Variants in CNTNAP2 observed in about 807,000 individuals in gnomAD.
CNTNAP2 encodes the protein contactin associated protein 2, also known as contactin-associated protein-like 2.
In CNTNAP2, 98 loss-of-function variants were observed where a neutral mutation model predicts 155.2. The observed-to-expected ratio is 0.63, with a 90% CI of 0.54 to 0.75. CNTNAP2 has a LOEUF of 0.75. Ranked by LOEUF, CNTNAP2 falls within the 30% of genes least tolerant of loss-of-function variation. The pLI is 0.00. For missense variants in CNTNAP2, 1,727 were observed against 1,688.1 expected (o/e 1.02, Z -0.40); for synonymous variants, 651 against 631.2 (o/e 1.03, Z -0.47).
At chr7:147,895,100 A>G (rs1799756916) in intron 13 of CNTNAP2, among the ~76,000 whole-genome samples, 1 of 149,860 alleles carries the variant, frequency 6.7e-6, no homozygotes, top group African/African-American at 2.5e-5. Flanking sequence ...CAGCCTCCTG[A>G]GTAGCTGGGA....
At chr7:146,852,894 A>T (rs1220569226) in intron 3 of CNTNAP2, among the ~76,000 whole-genome samples, 1 of 152,204 alleles carries the variant, frequency 6.6e-6, no homozygotes, top group African/African-American at 2.4e-5. Context: ...GCACTTAGCA[A>T]GCACAATTGT....
At chr7:148,176,205 CTT>C (rs1194348356) in intron 18 of CNTNAP2, among the ~76,000 whole-genome samples, 58 of 126,986 alleles carry the variant, frequency 4.6e-4, no homozygotes, top group Middle Eastern at 4.5e-3. Flanking sequence ...TCTTTTCTTT[CTT>C]TCTCTTTTTT....
chr7:147,804,114 C>A (rs1456246484), intron 13 of CNTNAP2, among the ~76,000 whole-genome samples: 1 of 152,162 alleles, frequency 6.6e-6, no homozygotes, highest in Non-Finnish European at 1.5e-5. Flanking sequence ...AGTCTAGTTC[C>A]AGATGGTGCA....
At chr7:148,071,955 C>G (rs1378095915) in intron 15 of CNTNAP2, among the ~76,000 whole-genome samples, 1 of 152,078 alleles carries the variant, frequency 6.6e-6, no homozygotes. Flanking sequence ...GACCACTGAC[C>G]CTGCGCTTCG....
chr7:147,874,869 C>T (rs558173238), intron 13 of CNTNAP2, among the ~76,000 whole-genome samples: 30 of 152,252 alleles, frequency 2.0e-4, no homozygotes, highest in South Asian at 1.0e-3. Context: ...TTCAAAGTTC[C>T]GCAGATCTCT....
intron 1 of CNTNAP2, among the ~76,000 whole-genome samples, chr7:146,437,679 G>T (rs1233605688): frequency 6.6e-6 from 1 of 151,506 alleles, no homozygotes; most frequent in Non-Finnish European, 1.5e-5. Flanking sequence ...AATAAGTTTG[G>T]TAAATAATGA....
intron 3 of CNTNAP2, among the ~76,000 whole-genome samples, chr7:147,004,482 A>G (rs1313024927): frequency 2.0e-5 from 3 of 151,992 alleles, no homozygotes; most frequent in African/African-American, 7.2e-5. Flanking sequence ...CAAAAACATG[A>G]CACTTCTTAT....
chr7:147,048,014 C>T (rs1304077201), intron 4 of CNTNAP2, among the ~76,000 whole-genome samples: 2 of 150,760 alleles, frequency 1.3e-5, no homozygotes, highest in Non-Finnish European at 2.9e-5. Flanking sequence ...AAGTTGTAAG[C>T]ATATAAGTAT....
At chr7:148,069,795 G>A (rs1367106187) in intron 15 of CNTNAP2, among the ~76,000 whole-genome samples, 3 of 151,662 alleles carry the variant, frequency 2.0e-5, no homozygotes, top group Non-Finnish European at 4.4e-5. Flanking sequence ...GAAAGAATGG[G>A]GAGGGGACAT....
At chr7:147,766,103 A>G (rs955152148) in intron 13 of CNTNAP2, among the ~76,000 whole-genome samples, 5 of 152,194 alleles carry the variant, frequency 3.3e-5, no homozygotes, top group Non-Finnish European at 5.9e-5. Flanking sequence ...AGGCACAGGA[A>G]GTTTTTGGGG....
intron 8 of CNTNAP2, among the ~76,000 whole-genome samples, chr7:147,133,985 C>T (rs568543616): frequency 6.6e-6 from 1 of 151,784 alleles, no homozygotes; most frequent in Non-Finnish European, 1.5e-5. Context: ...CTGGAGAGAC[C>T]AGAAAAACAG....
intron 15 of CNTNAP2, among the ~76,000 whole-genome samples, chr7:148,024,173 A>AAC (rs1554463585): frequency 6.8e-6 from 1 of 147,888 alleles, no homozygotes; most frequent in African/African-American, 2.4e-5. Context: ...AAAAAAAAAA[A>AAC]AAAAAACTTT....
chr7:147,211,929 G>T (rs1803155343), intron 8 of CNTNAP2, among the ~76,000 whole-genome samples: 1 of 151,846 alleles, frequency 6.6e-6, no homozygotes, highest in Non-Finnish European at 1.5e-5. Context: ...ATTAAAAAGT[G>T]GACAAAAGAC....
At chr7:146,617,387 G>A (rs1197688459) in intron 1 of CNTNAP2, among the ~76,000 whole-genome samples, 1 of 152,162 alleles carries the variant, frequency 6.6e-6, no homozygotes, top group Admixed American at 6.5e-5. Context: ...AGGGAACATA[G>A]TTTTAATCAA....
At chr7:146,504,980 A>G (rs1399442756) in intron 1 of CNTNAP2, among the ~76,000 whole-genome samples, 1 of 152,182 alleles carries the variant, frequency 6.6e-6, no homozygotes, top group South Asian at 2.1e-4. Flanking sequence ...GTGTTGCTCT[A>G]CACATCATGA....
intron 14 of CNTNAP2, among the ~76,000 whole-genome samples, chr7:147,969,909 A>ATTTAT (rs60858284): frequency 0.24 from 35,712 of 149,422 alleles, 5,540 homozygotes; most frequent in East Asian, 0.55. Flanking sequence ...TTAGTTATGA[A>ATTTAT]TTTATTTTAT....
intron 8 of CNTNAP2, among the ~76,000 whole-genome samples, chr7:147,164,788 G>A (rs972504407): frequency 6.6e-6 from 1 of 152,148 alleles, no homozygotes; most frequent in Non-Finnish European, 1.5e-5. Context: ...GGCTACAATT[G>A]TCCCCTCTGT....
intron 12 of CNTNAP2, among the ~76,000 whole-genome samples, chr7:147,614,067 G>C (rs1801238436): frequency 6.6e-6 from 1 of 152,102 alleles, no homozygotes; most frequent in South Asian, 2.1e-4. Flanking sequence ...CACAGACTTT[G>C]CTTTAAGTTT....
intron 15 of CNTNAP2, among the ~76,000 whole-genome samples, chr7:148,027,909 T>C (rs1802402106): frequency 6.6e-6 from 1 of 152,168 alleles, no homozygotes; most frequent in Admixed American, 6.5e-5. Context: ...AAAATGACAA[T>C]GATTATTTTA....
Sources: allele counts gnomAD v4.1 joint callset (sites outside exome capture counted in the v4.1 genomes callset), GRCh38; gene constraint gnomAD v4.1.1; transcripts MANE v1.5; gene names NCBI Gene and HGNC (gene_info 2026-07-23, HGNC 2026-07-21).